ATR: variants seen among roughly 807,000 people sequenced by gnomAD.
ATR encodes the protein ATR checkpoint kinase, also known as serine/threonine-protein kinase ATR.
ATR carries 142 observed loss-of-function variants against 305.3 expected under a neutral mutation model. The observed-to-expected ratio is 0.47, with a 90% CI of 0.41 to 0.53. The LOEUF (loss-of-function observed/expected upper bound fraction) is 0.53. ATR is among the 20% of genes least tolerant of loss of function. The pLI, the probability that ATR is intolerant of heterozygous loss-of-function variation, is 0.00. For missense variants in ATR, 2,135 were observed against 3,133.1 expected (o/e 0.68, Z 7.60); for synonymous variants, 1,050 against 1,068.1 (o/e 0.98, Z 0.33).
Position 142,480,452 on chromosome 3 carries a change from C to T in ATR, c.6221+4688G>A, listed in dbSNP as rs183706722. Among the ~76,000 whole-genome samples the T allele has an allele frequency of 3.3e-3, 505 of 152,270 alleles. 5 individuals are homozygous for T. The highest frequency in any genetic ancestry group is 0.012 in the African/African-American group (482 of 41,544). On this transcript the variant is annotated intron_variant, in intron 36 of 46. Transcript: ENST00000350721. The stretch of plus-strand genomic sequence containing the variant: ...TGTCTGATTGTTCCTCTGGAGGTTT[C>T]GTCTCAAAGGGGTACCCGGCCGTGT...
At chr3:142,513,044 C>T (rs2032657455) in intron 26 of ATR, among the ~76,000 whole-genome samples, 1 of 151,782 alleles carries the variant, frequency 6.6e-6, no homozygotes, top group Admixed American at 6.6e-5. Flanking sequence ...AAAAAACTTA[C>T]AGTAATATTT....
In ATR at chr3:142,571,925, C is replaced by T. The variant is rs188396076; in HGVS notation, c.60-3771G>A. On this transcript the variant is annotated intron_variant, in intron 1 of 46. Coordinates refer to ENST00000350721, the MANE Select transcript of ATR (RefSeq NM_001184.4). ...AGGATTACAGGCGTGTGCCACCACA[C>T]CCAGCTAATTTTTGTATTTTTAGTA... Among the ~76,000 whole-genome samples the T allele has an allele frequency of 1.3e-4, 20 of 152,136 alleles. No homozygotes were observed. The East Asian group carries it at 3.3e-3, about 25-fold the overall frequency.
chr3:142,555,845 T>C (rs2034649712), intron 10 of ATR, 32 bp downstream of exon 10: 1 of 1,585,816 alleles, frequency 6.3e-7, no homozygotes, highest in African/African-American at 1.4e-5. Flanking sequence ...TTAAATAGGT[T>C]TTAAAGTATT....
At position 142,452,190 on chromosome 3, in the gene ATR, G is replaced by A. The variant is rs374854310; in HGVS notation, c.7761+938C>T. ...GGGGCGTACAGGTCTAGCCTTCCTC[G>A]AGCTATATCAGTAGGATGAAAGTGG... On this transcript the variant is annotated intron_variant, in intron 46 of 46. Coordinates refer to ENST00000350721, the MANE Select transcript of ATR (RefSeq NM_001184.4). 4.2e-4 allele frequency: 423 copies of A among 1,001,378 alleles called. 6 individuals are homozygous for A. The South Asian group carries it at 0.016, about 37-fold the overall frequency. 62.0% of individuals were successfully genotyped at this position (1,001,378 alleles called of 1,614,324 possible). A position where few individuals can be genotyped will look rare whatever the true frequency, so the allele number is the denominator to read the frequency against.
chr3:142,513,726 CGAG>C, intron 25 of ATR, 88 bp from the exon 26 acceptor site: 1 of 1,296,396 alleles, frequency 7.7e-7, no homozygotes, highest in Non-Finnish European at 1.1e-6. Context: ...TTATCACAAA[CGAG>C]TATTCATTTT....
At chr3:142,511,473 T>C (rs2032562310) in intron 27 of ATR, among the ~76,000 whole-genome samples, 1 of 151,816 alleles carries the variant, frequency 6.6e-6, no homozygotes, top group African/African-American at 2.4e-5. Context: ...CTGGCCAACA[T>C]GGTGAAACCC....
In ATR at chr3:142,518,939, G is replaced by A. The variant is rs574347397; in HGVS notation, c.4382+730C>T. On this transcript the variant is annotated intron_variant, in intron 24 of 46. Coordinates refer to ENST00000350721, the MANE Select transcript of ATR (RefSeq NM_001184.4). ...TAAATACATTTTTTTAAAAGCAGAG[G>A]GTGAAAATATATTCATGAGGAGAAA... Among the ~76,000 whole-genome samples, 52 of 151,928 alleles carry A rather than the reference G, an allele frequency of 3.4e-4. 1 individual carries two copies. The South Asian group carries it at 0.01, about 30-fold the overall frequency.
intron 1 of ATR, among the ~76,000 whole-genome samples, chr3:142,573,525 A>G (rs559862030): frequency 1.3e-5 from 2 of 152,092 alleles, no homozygotes; most frequent in South Asian, 2.1e-4. Flanking sequence ...AAAAGAATCA[A>G]AGAACAAGTA....
At chr3:142,560,617 GTGGCGCC>G (rs1289179846) in intron 5 of ATR, among the ~76,000 whole-genome samples, 163 bp from the exon 6 acceptor site, 1 of 151,606 alleles carries the variant, frequency 6.6e-6, no homozygotes, top group Non-Finnish European at 1.5e-5. Context: ...CTGGAGTGCA[GTGGCGCC>G]ATCTCGGCTC....
chr3:142,565,287 A>G (rs2035028744), intron 3 of ATR, among the ~76,000 whole-genome samples: 1 of 152,206 alleles, frequency 6.6e-6, no homozygotes, highest in Non-Finnish European at 1.5e-5. Flanking sequence ...GTGCTCAGAA[A>G]AAAACTTCTT....
At chr3:142,479,431 C>T (rs1030407619) in intron 36 of ATR, among the ~76,000 whole-genome samples, 2 of 152,174 alleles carry the variant, frequency 1.3e-5, no homozygotes, top group African/African-American at 4.8e-5. Context: ...TCTCTTCTGG[C>T]TTGTAGAATT....
intron 36 of ATR, among the ~76,000 whole-genome samples, chr3:142,483,591 C>T (rs2030689923): frequency 6.6e-6 from 1 of 152,106 alleles, no homozygotes; most frequent in African/African-American, 2.4e-5. Context: ...ATAATCCCAG[C>T]ACTTTGGGAG....
rs187275764 is a variant in ATR at position 142,489,432 on chromosome 3, C to T, written c.6078+3700G>A. On this transcript the variant is annotated intron_variant, in intron 35 of 46. Transcript: ENST00000350721. ...CAAGAAGATGAACATTCCTAACTCT[C>T]GAAAGTTCTTATGGGCGCCCACCCT... 2.4e-3 allele frequency among the ~76,000 whole-genome samples: 371 copies of T among 152,308 alleles called. 2 individuals carry two copies. Among genetic ancestry groups the T allele is most frequent in the African/African-American group, 8.5e-3 (352 of 41,556 alleles).
At chr3:142,574,711 A>T (rs2035382457) in intron 1 of ATR, among the ~76,000 whole-genome samples, 1 of 152,198 alleles carries the variant, frequency 6.6e-6, no homozygotes, top group African/African-American at 2.4e-5. Flanking sequence ...AACAAGAGGT[A>T]ATTATGGTTA....
At chr3:142,475,542 G>C (rs565232454) in intron 36 of ATR, among the ~76,000 whole-genome samples, 28 of 152,242 alleles carry the variant, frequency 1.8e-4, no homozygotes, top group Middle Eastern at 6.8e-3. Flanking sequence ...ATTGTGAATA[G>C]TGCCGCAATA....
intron 30 of ATR, chr3:142,499,936 T>C (rs73864546): frequency 9.9e-5 from 45 of 454,672 alleles, no homozygotes; most frequent in African/African-American, 5.8e-4. Context: ...TTACTTCTGA[T>C]ACACCATTTA....
chr3:142,571,094 T>C (rs971785308), intron 1 of ATR, among the ~76,000 whole-genome samples: 3 of 152,062 alleles, frequency 2.0e-5, no homozygotes, highest in African/African-American at 7.3e-5. Context: ...ATTTAATAAA[T>C]TCAAAAGGCA....
chr3:142,529,705 A>G (rs1444143616), intron 21 of ATR, among the ~76,000 whole-genome samples: 1 of 152,130 alleles, frequency 6.6e-6, no homozygotes, highest in East Asian at 1.9e-4. Context: ...TTCTTGACTC[A>G]TACTTTATGA....
rs766863118 is a variant in ATR at position 142,512,234 on chromosome 3, A to AG, written c.4852+25_4852+26insC. The stretch of plus-strand genomic sequence containing the variant: ...TGGTGAATAGCTAAAAAAAAAAAAA[A>AG]AAAAGAAACAGAAGTGATAACTCAC... On this transcript the variant is annotated intron_variant, in intron 27 of 46. Coordinates refer to ENST00000350721, the MANE Select transcript of ATR (RefSeq NM_001184.4). The AG allele has an allele frequency of 9.6e-6, 15 of 1,564,416 alleles. No homozygotes were observed. In the African/African-American group the frequency reaches 1.1e-4, roughly 11 times the overall value.
Sources: gnomAD v4.1 joint callset for allele counts (sites outside exome capture counted in the v4.1 genomes callset) on GRCh38, gnomAD v4.1.1 for gene constraint, MANE v1.5 for transcripts, NCBI Gene and HGNC (gene_info 2026-07-23, HGNC 2026-07-21) for gene names.